Variants in BST1 observed in about 807,000 individuals in gnomAD.
BST1 encodes bone marrow stromal cell antigen 1, also known as ADP-ribosyl cyclase/cyclic ADP-ribose hydrolase 2.
BST1 carries 49 observed loss-of-function variants against 40.6 expected under a neutral mutation model. That is an observed-to-expected ratio of 1.21 (90% confidence interval 0.96 to 1.53). BST1 has a LOEUF of 1.53. Among genes scored for constraint, BST1 ranks in the 40% most tolerant of loss-of-function variants. The pLI, the probability that BST1 is intolerant of heterozygous loss-of-function variation, is 0.00. For synonymous variants in BST1, 157 were observed against 159.3 expected (o/e 0.99, Z 0.11); for missense variants, 423 against 395.9 (o/e 1.07, Z -0.58).
chr4:15,752,710 T>G, the BST1 span, among the ~76,000 whole-genome samples: 1 of 152,016 alleles, frequency 6.6e-6, no homozygotes, highest in Non-Finnish European at 1.5e-5. Flanking sequence ...AAAGGCCCCG[T>G]GGTAGCCATG....
In BST1 at chr4:15,722,929, A is replaced by G. The variant is rs762286213; in HGVS notation, c.846A>G (p.Leu282=). 30 of 1,613,540 alleles carry G rather than the reference A, an allele frequency of 1.9e-5. 1 individual carries two copies. In the South Asian group the frequency reaches 3.1e-4, roughly 17 times the overall value. Residue 282 remains leucine, a synonymous_variant, in exon 8 of 9, where the codon TTA becomes TTG. Coordinates refer to ENST00000265016, the MANE Select transcript of BST1 (RefSeq NM_004334.3). ...ACAGCACCCATCCTGACTGTGCCTT[A>G]AAGTCGTAAGTAAATGTCTTAACCC... ...VDHSTHPDCA[L]KSAAAATQRK... is the part of the protein sequence containing the mutation.
the BST1 span, among the ~76,000 whole-genome samples, chr4:15,754,413 A>G: frequency 6.6e-6 from 1 of 152,186 alleles, no homozygotes; most frequent in Non-Finnish European, 1.5e-5. Context: ...AAGCATGCAC[A>G]TGTCTAAGAT....
At chr4:15,757,251 G>A in the BST1 span, among the ~76,000 whole-genome samples, 1 of 151,924 alleles carries the variant, frequency 6.6e-6, no homozygotes, top group African/African-American at 2.4e-5. Flanking sequence ...ATATTTTCGC[G>A]GGACCCCTGT....
At chr4:15,730,616 T>C (rs888214094) in intron 8 of BST1, among the ~76,000 whole-genome samples, 1 of 152,236 alleles carries the variant, frequency 6.6e-6, no homozygotes, top group Non-Finnish European at 1.5e-5. Context: ...TCTAAAGACA[T>C]CTAAGGATAA....
At chr4:15,711,953 C>A in intron 4 of BST1, 64 bp downstream of exon 4, 1 of 1,421,100 alleles carries the variant, frequency 7.0e-7, no homozygotes. Context: ...GGAACATAGT[C>A]ATTCAGAGTC....
the BST1 span, among the ~76,000 whole-genome samples, chr4:15,773,663 G>A: frequency 6.6e-6 from 1 of 152,152 alleles, no homozygotes; most frequent in East Asian, 1.9e-4. Flanking sequence ...AGTTGTGGTA[G>A]TGCACATCTG....
At chr4:15,725,020 G>C (rs536240863) in intron 8 of BST1, among the ~76,000 whole-genome samples, 3 of 152,140 alleles carry the variant, frequency 2.0e-5, no homozygotes, top group Admixed American at 2.0e-4. Context: ...AAAGGAAGCC[G>C]GGTGCCTCTG....
At chr4:15,739,290 A>G (rs1002703711), downstream of BST1, among the ~76,000 whole-genome samples, 3 of 152,234 alleles carry the variant, frequency 2.0e-5, no homozygotes, top group Admixed American at 6.5e-5. Context: ...TTTTCTTGGT[A>G]GTCTCTTTAA....
chr4:15,771,928 C>G, the BST1 span, among the ~76,000 whole-genome samples: 3 of 151,938 alleles, frequency 2.0e-5, no homozygotes, highest in Non-Finnish European at 4.4e-5. Context: ...TTAATGTCTT[C>G]AACATACATT....
downstream of BST1, chr4:15,732,825 T>G (rs893343687): frequency 3.3e-5 from 5 of 152,414 alleles, no homozygotes; most frequent in Non-Finnish European, 2.9e-5. Context: ...TGTGACAACC[T>G]CTGGGTTTTT....
chr4:15,741,475 T>G (rs1441619344), downstream of BST1, among the ~76,000 whole-genome samples: 1 of 152,110 alleles, frequency 6.6e-6, no homozygotes, highest in Admixed American at 6.5e-5. Context: ...AAATCAGTCA[T>G]AGATGCTGGA....
intron 8 of BST1, among the ~76,000 whole-genome samples, chr4:15,725,497 C>G (rs542719267): frequency 7.7e-4 from 117 of 152,274 alleles, no homozygotes; most frequent in African/African-American, 2.6e-3. Context: ...TTCCTTTCCT[C>G]ACCTGAAAAT....
At chr4:15,747,826 T>C in the BST1 span, among the ~76,000 whole-genome samples, 1 of 152,298 alleles carries the variant, frequency 6.6e-6, no homozygotes, top group South Asian at 2.1e-4. Context: ...CAAGTCACCA[T>C]GCCCAGCTAA....
At chr4:15,754,646 A>C in the BST1 span, among the ~76,000 whole-genome samples, 2 of 152,224 alleles carry the variant, frequency 1.3e-5, no homozygotes, top group Admixed American at 1.3e-4. Flanking sequence ...AGCATGCCTG[A>C]AAAGATGGAA....
At chr4:15,706,725 T>G (rs1409903099) in intron 2 of BST1, among the ~76,000 whole-genome samples, 2 of 152,242 alleles carry the variant, frequency 1.3e-5, no homozygotes, top group Non-Finnish European at 2.9e-5. Flanking sequence ...ATATGCTGTC[T>G]TTTGAACCTT....
the BST1 span, among the ~76,000 whole-genome samples, chr4:15,759,943 G>A: frequency 1.3e-5 from 2 of 152,044 alleles, no homozygotes; most frequent in East Asian, 3.9e-4. Flanking sequence ...CTTTTTTTGA[G>A]ATCGAATTTA....
downstream of BST1, among the ~76,000 whole-genome samples, chr4:15,735,154 C>G (rs537745323): frequency 6.6e-6 from 1 of 152,176 alleles, no homozygotes; most frequent in Non-Finnish European, 1.5e-5. Context: ...TGCCCTGTCT[C>G]CCATCTGGCA....
At chr4:15,749,181 C>T in the BST1 span, among the ~76,000 whole-genome samples, 1 of 152,142 alleles carries the variant, frequency 6.6e-6, no homozygotes, top group African/African-American at 2.4e-5. Context: ...CCTGACACTT[C>T]CAGGCTGCCC....
the BST1 span, among the ~76,000 whole-genome samples, chr4:15,773,771 T>C: frequency 6.6e-6 from 1 of 152,170 alleles, no homozygotes; most frequent in South Asian, 2.1e-4. Flanking sequence ...ATCCAGAGCC[T>C]GGGTGACAGA....
Sources: gnomAD v4.1 joint callset for allele counts (sites outside exome capture counted in the v4.1 genomes callset) on GRCh38, gnomAD v4.1.1 for gene constraint, MANE v1.5 for transcripts, NCBI Gene and HGNC (gene_info 2026-07-23, HGNC 2026-07-21) for gene names.